The following HES4 variants were observed in gnomAD, a reference collection of about 807,000 sequenced individuals.
HES4 encodes the protein transcription factor HES-4.
A neutral mutation model predicts 10.7 loss-of-function variants in HES4; 17 were observed. The ratio of observed to expected loss-of-function variants is 1.59; its 90% CI spans 1.09 to 2.38. HES4 has a LOEUF of 2.38. Ranked by LOEUF, HES4 falls within the 30% of genes most tolerant of loss-of-function variation. The probability of loss-of-function intolerance (pLI) is 0.00; values close to 1 mark genes in which losing one functional copy is unlikely to be tolerated. For missense variants in HES4, 389 were observed against 332.1 expected, an observed-to-expected ratio of 1.17 and a Z score of -1.33; for synonymous variants, 189 against 159.7, an observed-to-expected ratio of 1.18 and a Z score of -1.38.
rs778568251 is a variant in HES4 at position 999,015 on chromosome 1, C to T, written c.*44G>A. ...TACAGTCTCGGCAAAGGCCACGGCC[C>T]TAGAACGGGGCGCCGCCTCCGATGC... On this transcript the variant is annotated 3_prime_UTR_variant, in exon 4 of 4. Transcript: ENST00000304952. The T allele has an allele frequency of 2.2e-5, 28 of 1,259,132 alleles. No individual in the cohort carries two copies. Among genetic ancestry groups the T allele is most frequent in the East Asian group, 3.1e-5 (1 of 32,598 alleles). The allele number at this position is 1,259,132 out of a possible 1,614,324, so 78.0% of individuals were successfully genotyped here. A position where few individuals can be genotyped will look rare whatever the true frequency, so the allele number is the denominator to read the frequency against.
chr1:999,684 C>T lies in HES4; in HGVS notation c.204+8G>A, dbSNP rs1344095343. 7 of 1,611,618 alleles carry T rather than the reference C, an allele frequency of 4.3e-6. No individual in the cohort carries two copies. Among genetic ancestry groups the T allele is most frequent in the Non-Finnish European group, 5.9e-6 (7 of 1,179,426 alleles). ...ACTCCGGGTCTCGGGCCTTCGCCCCCGACTTACCTCTTTTCTGAGGGCGTC... is the reference window on the plus strand; with the variant it reads ...ACTCCGGGTCTCGGGCCTTCGCCCCTGACTTACCTCTTTTCTGAGGGCGTC... On this transcript the variant is annotated splice_region_variant and intron_variant, in intron 2 of 3. Transcript: ENST00000304952.
chr1:999,304 C>T lies in HES4; in HGVS notation c.421G>A (p.Gly141Ser). Residue 141 changes from glycine (G) to serine (S), a missense_variant, in exon 4 of 4, where the codon GGC becomes AGC. Transcript: ENST00000304952. ...TGGCGCAGGCAGGCTGCCAGGTGGC[C>T]CAGCAGGCGGGAGCGCACGTCGGCC... ...VPADVRSRLL[G>S]HLAACLRQLG... 1 of 1,470,616 alleles carries T rather than the reference C, an allele frequency of 6.8e-7. No homozygotes were observed. Among genetic ancestry groups the T allele is most frequent in the Non-Finnish European group, 9.0e-7 (1 of 1,117,030 alleles). The allele number at this position is 1,470,616 out of a possible 1,614,324, so 91.1% of individuals were successfully genotyped here. A position where few individuals can be genotyped will look rare whatever the true frequency, so the allele number is the denominator to read the frequency against.
intron 2 of HES4, 28 bp downstream of exon 2, chr1:999,664 G>A (rs1410069966): frequency 1.2e-6 from 2 of 1,611,328 alleles, no homozygotes; most frequent in Admixed American, 1.7e-5. Context: ...CCCAGACTCC[G>A]GGTCTCGGGC....
chr1:1,000,071 T>G lies in HES4; in HGVS notation c.-98A>C. On this transcript the variant is annotated 5_prime_UTR_variant, in exon 1 of 4. Coordinates refer to ENST00000304952, the MANE Select transcript of HES4 (RefSeq NM_021170.4). ...GCGAGCGCGCGGCGATCCGAGCCCC[T>G]AGGGCGGATCCCGGCTCCAGGCCCG... 1 of 1,071,300 alleles carries G rather than the reference T, an allele frequency of 9.3e-7. No homozygotes were observed. The allele number at this position is 1,071,300 out of a possible 1,614,324, so 66.4% of individuals were successfully genotyped here. A position where few individuals can be genotyped will look rare whatever the true frequency, so the allele number is the denominator to read the frequency against.
At position 999,960 on chromosome 1, in the gene HES4, GT is replaced by G; in HGVS notation, c.13del (p.Thr5ArgfsTer79). 6.9e-7 allele frequency: 1 copy of G among 1,448,890 alleles called. No individual in the cohort carries two copies. Among genetic ancestry groups the G allele is most frequent in the Non-Finnish European group, 9.0e-7 (1 of 1,111,130 alleles). The allele number at this position is 1,448,890 out of a possible 1,614,324, so 89.8% of individuals were successfully genotyped here. A position where few individuals can be genotyped will look rare whatever the true frequency, so the allele number is the denominator to read the frequency against. On this transcript the variant is annotated frameshift_variant, in exon 1 of 4. Transcript: ENST00000304952. LOFTEE classifies it high-confidence loss of function. MAADTPGKPSASPMA... is the reference protein window; with the variant it reads MAADXPGKPSASPMA... The stretch of plus-strand genomic sequence containing the variant: ...CGGCGAGGCGCTCGGTTTCCCCGGC[GT>G]GTCTGCGGCCATGGTGCGCCCCGCG...
In HES4 at chr1:999,071, C is replaced by G; in HGVS notation, c.654G>C (p.Pro218=). Residue 218 remains proline (P), a synonymous_variant, in exon 4 of 4, where the codon CCG becomes CCC. Transcript: ENST00000304952. ...CAGGGCCACAGCCTCAGCGCAGCCA[C>G]GGCCTCCAGGGCCCACCCGGGCCCT... ...GPQGPGGPWR[P]WLR is the part of the protein sequence containing the mutation. The G allele has an allele frequency of 8.0e-7, 1 of 1,255,304 alleles. No homozygotes were observed. The highest frequency in any genetic ancestry group is 3.4e-5 in the Admixed American group (1 of 29,030). The allele number at this position is 1,255,304 out of a possible 1,614,324, so 77.8% of individuals were successfully genotyped here.
intron 2 of HES4, 32 bp downstream of exon 2, chr1:999,660 C>G: frequency 6.2e-7 from 1 of 1,611,270 alleles, no homozygotes; most frequent in Non-Finnish European, 8.5e-7. Flanking sequence ...GCGACCCAGA[C>G]TCCGGGTCTC....
At position 999,107 on chromosome 1, in the gene HES4, C is replaced by T. The variant is rs777633362; in HGVS notation, c.618G>A (p.Arg206=). Residue 206 remains arginine, a synonymous_variant, in exon 4 of 4, where the codon AGG becomes AGA. Transcript: ENST00000304952. The part of the protein sequence containing the change: ...GLTRALPAAP[R]AGPQGPGGPW... ...GCCCACCCGGGCCCTGCGGCCCCGC[C>T]CTGGGGGCGGCGGGCAGCGCCCGGG... The T allele has an allele frequency of 1.1e-4, 140 of 1,218,412 alleles. No homozygotes were observed. Among genetic ancestry groups the T allele is most frequent in the Non-Finnish European group, 1.4e-4 (134 of 979,408 alleles). 75.5% of individuals were successfully genotyped at this position (1,218,412 alleles called of 1,614,324 possible). A position where few individuals can be genotyped will look rare whatever the true frequency, so the allele number is the denominator to read the frequency against.
Position 999,389 on chromosome 1 carries a change from G to C in HES4, c.336C>G (p.Ala112=). The C allele has an allele frequency of 2.0e-6, 3 of 1,505,844 alleles. No homozygotes were observed. The highest frequency in any genetic ancestry group is 2.5e-5 in the South Asian group (2 of 79,068). 93.3% of individuals were successfully genotyped at this position (1,505,844 alleles called of 1,614,324 possible). A position where few individuals can be genotyped will look rare whatever the true frequency, so the allele number is the denominator to read the frequency against. ...ADPAVLGKYR[A]GFHECLAEVN... is the part of the protein sequence containing the mutation. ...CCTCCGCCAGACACTCGTGGAAGCC[G>C]GCGCGGTACTTGCCCAGAACGGCGG... The change falls in exon 4 of 4, where the codon GCC becomes GCG. Residue 112 remains alanine (A), a synonymous_variant. Transcript: ENST00000304952.
rs576597619 is a variant in HES4, at chr1:999,468, G to C, written c.293-36C>G. 193 of 1,553,906 alleles carry C rather than the reference G, an allele frequency of 1.2e-4. 1 individual carries two copies. In the African/African-American group the frequency reaches 2.1e-3, roughly 17 times the overall value. On this transcript the variant is annotated intron_variant, in intron 3 of 3. Transcript: ENST00000304952. ...GACACAGGAGGAGAGGTCGGTGCCG[G>C]GTCCCGGGGGTCCCGCGCCCTCCCC...
chr1:998,997 T>A lies in HES4; in HGVS notation c.*62A>T. On this transcript the variant is annotated 3_prime_UTR_variant, in exon 4 of 4. Coordinates refer to ENST00000304952, the MANE Select transcript of HES4 (RefSeq NM_021170.4). ...TAAATACGTTTTCTCTGCTACAGTC[T>A]CGGCAAAGGCCACGGCCCTAGAACG... 8.1e-7 allele frequency: 1 copy of A among 1,235,434 alleles called. No individual in the cohort carries two copies. Among genetic ancestry groups the A allele is most frequent in the Non-Finnish European group, 1.0e-6 (1 of 977,942 alleles). The allele number at this position is 1,235,434 out of a possible 1,614,324, so 76.5% of individuals were successfully genotyped here. A position where few individuals can be genotyped will look rare whatever the true frequency, so the allele number is the denominator to read the frequency against.
In HES4 at chr1:999,736, G is replaced by A. The variant is rs745436992; in HGVS notation, c.160C>T (p.Leu54Phe). The A allele has an allele frequency of 3.7e-6, 6 of 1,611,960 alleles. No individual in the cohort carries two copies. The highest frequency in any genetic ancestry group is 4.2e-6 in the Non-Finnish European group (5 of 1,179,514). ...KRRRARINES[L>F]AQLKTLILDA... ...AGGATGAGGGTTTTGAGCTGAGCGA[G>A]GCTCTCGTTAATACGCGCTCGGCGC... Residue 54 changes from leucine to phenylalanine, a missense_variant, in exon 2 of 4, where the codon CTC becomes TTC. Physicochemically the swap from Leu to Phe is conservative, Grantham distance 22 (BLOSUM62 0). Transcript: ENST00000304952.
In HES4 at chr1:998,996, C is replaced by A; in HGVS notation, c.*63G>T. On this transcript the variant is annotated 3_prime_UTR_variant, in exon 4 of 4. Coordinates refer to ENST00000304952, the MANE Select transcript of HES4 (RefSeq NM_021170.4). ...ATAAATACGTTTTCTCTGCTACAGT[C>A]TCGGCAAAGGCCACGGCCCTAGAAC... 8.1e-7 allele frequency: 1 copy of A among 1,232,436 alleles called. No homozygotes were observed. Among genetic ancestry groups the A allele is most frequent in the Non-Finnish European group, 1.0e-6 (1 of 975,044 alleles). The allele number at this position is 1,232,436 out of a possible 1,614,324, so 76.3% of individuals were successfully genotyped here.
rs1643998665 is a variant in HES4, at chr1:999,718, G to A, written c.178C>T (p.Leu60Phe). 2 of 1,611,768 alleles carry A rather than the reference G, an allele frequency of 1.2e-6. No homozygotes were observed. The highest frequency in any genetic ancestry group is 1.7e-6 in the Non-Finnish European group (2 of 1,179,438). The change falls in exon 2 of 4, where the codon CTC becomes TTC. Residue 60 changes from leucine (L) to phenylalanine (F), a missense_variant. Physicochemically the swap from Leu to Phe is conservative, Grantham distance 22. Coordinates refer to ENST00000304952, the MANE Select transcript of HES4 (RefSeq NM_021170.4). Reference sequence around the variant, plus strand: ...TCTTTTCTGAGGGCGTCCAGGATGAGGGTTTTGAGCTGAGCGAGGCTCTCG... The same window carrying A: ...TCTTTTCTGAGGGCGTCCAGGATGAAGGTTTTGAGCTGAGCGAGGCTCTCG... ...INESLAQLKT[L>F]ILDALRKESS...
At position 1,000,023 on chromosome 1, in the gene HES4, A is replaced by ACGGGCGGGCTGG; in HGVS notation, c.-62_-51dup. 8.1e-7 allele frequency: 1 copy of ACGGGCGGGCTGG among 1,242,050 alleles called. No individual in the cohort carries two copies. The allele number at this position is 1,242,050 out of a possible 1,614,324, so 76.9% of individuals were successfully genotyped here. On this transcript the variant is annotated 5_prime_UTR_variant, in exon 1 of 4. Transcript: ENST00000304952. ...CGGGTGGAGCGCGCCGCCACGGACC[A>ACGGGCGGGCTGG]CGGGCGGGCTGGCGGGCGAGCGGCG...
chr1:999,761 C>A lies in HES4; in HGVS notation c.135G>T (p.Arg45=). The change falls in exon 2 of 4, where the codon CGG becomes CGT. Residue 45 remains arginine, a synonymous_variant. Transcript: ENST00000304952. ...GGCTCTCGTTAATACGCGCTCGGCG[C>A]CGCTTCTCCATGACCGGCTTGGAGG... ...RKSSKPVMEK[R]RRARINESLA... 6.2e-7 allele frequency: 1 copy of A among 1,612,022 alleles called. No homozygotes were observed. Among genetic ancestry groups the A allele is most frequent in the Non-Finnish European group, 8.5e-7 (1 of 1,179,584 alleles).
In HES4 at chr1:999,884, G is replaced by C. The variant is rs369642483; in HGVS notation, c.90C>G (p.Ser30Arg). 3.0e-4 allele frequency: 461 copies of C among 1,517,490 alleles called. 1 individual carries two copies. In the African/African-American group the frequency reaches 6.0e-3, roughly 20 times the overall value. 94.0% of individuals were successfully genotyped at this position (1,517,490 alleles called of 1,614,324 possible). The change falls in exon 1 of 4, where the codon AGC (serine) becomes AGG (arginine). Residue 30 changes from serine to arginine, a missense_variant. Ser to Arg is a moderately radical substitution (Grantham distance 110). Transcript: ENST00000304952. ...ACCCCACCTTGCGGTGCTCGGCCGCGCTCCGGGGCTTGTCTGGGGTCCGGC... is the reference window on the plus strand; with the variant it reads ...ACCCCACCTTGCGGTGCTCGGCCGCCCTCCGGGGCTTGTCTGGGGTCCGGC... ...SASRTPDKPR[S>R]AAEHRKSSKP...
At position 1,000,054 on chromosome 1, in the gene HES4, G is replaced by C. The variant is rs902563116; in HGVS notation, c.-81C>G. The C allele has an allele frequency of 8.7e-7, 1 of 1,149,876 alleles. No individual in the cohort carries two copies. The highest frequency in any genetic ancestry group is 1.1e-6 in the Non-Finnish European group (1 of 930,816). 71.2% of individuals were successfully genotyped at this position (1,149,876 alleles called of 1,614,324 possible). A position where few individuals can be genotyped will look rare whatever the true frequency, so the allele number is the denominator to read the frequency against. ...GGGCTGGCGGGCGAGCGGCGAGCGC[G>C]CGGCGATCCGAGCCCCTAGGGCGGA... On this transcript the variant is annotated 5_prime_UTR_variant, in exon 1 of 4. Transcript: ENST00000304952.
rs1000627427 is a variant in HES4 at position 999,719 on chromosome 1, G to A, written c.177C>T (p.Thr59=). The change falls in exon 2 of 4, where the codon ACC becomes ACT. Residue 59 remains threonine, a synonymous_variant. Coordinates refer to ENST00000304952, the MANE Select transcript of HES4 (RefSeq NM_021170.4). ...RINESLAQLK[T]LILDALRKES... ...CTTTTCTGAGGGCGTCCAGGATGAG[G>A]GTTTTGAGCTGAGCGAGGCTCTCGT... 13 of 1,611,714 alleles carry A rather than the reference G, an allele frequency of 8.1e-6. No homozygotes were observed. Among genetic ancestry groups the A allele is most frequent in the South Asian group, 2.2e-5 (2 of 90,778 alleles).
Sources: allele counts gnomAD v4.1 joint callset, GRCh38; gene constraint gnomAD v4.1.1; transcripts MANE v1.5; gene names NCBI Gene and HGNC (gene_info 2026-07-23, HGNC 2026-07-21).